Variants in LMAN2L observed in about 807,000 individuals in gnomAD.
LMAN2L encodes the protein lectin, mannose binding 2 like, also known as VIP36-like protein.
Under a neutral mutation model 44.3 loss-of-function variants are expected in LMAN2L, and 30 were observed. The ratio of observed to expected loss-of-function variants is 0.68; its 90% CI spans 0.51 to 0.92. LMAN2L has a LOEUF of 0.92. Among genes scored for constraint, LMAN2L ranks in the 40% least tolerant of loss-of-function variants. LMAN2L has a pLI of 0.00. For synonymous variants in LMAN2L, 183 were observed against 171.1 expected (o/e 1.07, Z -0.54); for missense variants, 429 against 446.1 (o/e 0.96, Z 0.35).
chr2:96,737,213 T>C (rs1346715795), intron 2 of LMAN2L: 3 of 448,008 alleles, frequency 6.7e-6, no homozygotes, highest in South Asian at 4.8e-5. Flanking sequence ...AGGAAGACAA[T>C]GCAGCTAGAA....
At chr2:96,710,054 C>T (rs1474370115) in intron 6 of LMAN2L, among the ~76,000 whole-genome samples, 1 of 152,198 alleles carries the variant, frequency 6.6e-6, no homozygotes, top group African/African-American at 2.4e-5. Context: ...CCTGCCGAGA[C>T]TAAATTTTTC....
intron 4 of LMAN2L, among the ~76,000 whole-genome samples, chr2:96,720,916 G>A (rs2078139220): frequency 6.6e-6 from 1 of 152,044 alleles, no homozygotes; most frequent in South Asian, 2.1e-4. Context: ...TCCAACCTGG[G>A]CGACAGGGTG....
In LMAN2L at chr2:96,706,555, G is replaced by GAC. The variant is rs2077785775; in HGVS notation, c.*700_*701insGT. 6.6e-6 allele frequency: 1 copy of GAC among 152,252 alleles called. No individual in the cohort carries two copies. Among genetic ancestry groups the GAC allele is most frequent in the Non-Finnish European group, 1.5e-5 (1 of 68,082 alleles). 9.4% of individuals were successfully genotyped at this position (152,252 alleles called of 1,614,324 possible). ...ACTTGATTGGGAAGGCCATGGACAT[G>GAC]CCAATAGACCCAAGACCCATGCTAG... is the stretch of plus-strand genomic sequence containing the variant. On this transcript the variant is annotated 3_prime_UTR_variant, in exon 8 of 8. Coordinates refer to ENST00000264963, the MANE Select transcript of LMAN2L (RefSeq NM_030805.4).
intron 4 of LMAN2L, among the ~76,000 whole-genome samples, chr2:96,712,446 C>T (rs71427091): frequency 4.6e-5 from 7 of 152,216 alleles, no homozygotes; most frequent in African/African-American, 1.7e-4. Flanking sequence ...CTTCATATGT[C>T]TAAACTTCAG....
chr2:96,707,061 C>A lies in LMAN2L; in HGVS notation c.*195G>T. 1 of 501,596 alleles carries A rather than the reference C, an allele frequency of 2.0e-6. No homozygotes were observed. The highest frequency in any genetic ancestry group is 3.4e-6 in the Non-Finnish European group (1 of 291,044). The allele number at this position is 501,596 out of a possible 1,614,324, so 31.1% of individuals were successfully genotyped here. A position where few individuals can be genotyped will look rare whatever the true frequency, so the allele number is the denominator to read the frequency against. On this transcript the variant is annotated 3_prime_UTR_variant, in exon 8 of 8. Transcript: ENST00000264963. Reference sequence around the variant, plus strand: ...GCATTGCCCTGGGGTGGGTGGCTTCCCAGACCAGAGTTAGATGTCCCCATG... The same window carrying A: ...GCATTGCCCTGGGGTGGGTGGCTTCACAGACCAGAGTTAGATGTCCCCATG...
chr2:96,710,332 C>T (rs1573996134), intron 6 of LMAN2L, among the ~76,000 whole-genome samples: 1 of 152,172 alleles, frequency 6.6e-6, no homozygotes. Context: ...TTAAAAAAAT[C>T]AGATGCCAGA....
intron 1 of LMAN2L, among the ~76,000 whole-genome samples, chr2:96,738,964 A>T (rs1257434597): frequency 2.0e-5 from 3 of 152,092 alleles, no homozygotes; most frequent in Admixed American, 6.6e-5. Context: ...GATGGTCTCA[A>T]TCTCCTGACC....
intron 3 of LMAN2L, 98 bp from the exon 4 acceptor site, chr2:96,733,699 G>T: frequency 2.1e-6 from 2 of 945,360 alleles, no homozygotes; most frequent in African/African-American, 1.6e-5. Flanking sequence ...AAATTCAAAT[G>T]ACTCCCAAGC....
chr2:96,735,284 AG>A lies in LMAN2L; in HGVS notation c.307-759del, dbSNP rs2078490314. On this transcript the variant is annotated intron_variant, in intron 2 of 7. Coordinates refer to ENST00000264963, the MANE Select transcript of LMAN2L (RefSeq NM_030805.4). Reference sequence around the variant, plus strand: ...AAGTCTACTGTGAAGAAAGAAGTGAAGGAAGAACAGACAGACCAGCTGGGTT... The same window carrying A: ...AAGTCTACTGTGAAGAAAGAAGTGAAGAAGAACAGACAGACCAGCTGGGTT... Among the ~76,000 whole-genome samples the A allele has an allele frequency of 2.6e-5, 4 of 152,246 alleles. No homozygotes were observed. The South Asian group carries it at 8.3e-4, about 31-fold the overall frequency.
intron 4 of LMAN2L, among the ~76,000 whole-genome samples, chr2:96,719,183 C>T (rs539767103): frequency 6.6e-6 from 1 of 152,104 alleles, no homozygotes; most frequent in Non-Finnish European, 1.5e-5. Context: ...GAAGAGCCAT[C>T]AATTCTATAG....
At chr2:96,726,270 T>G (rs781208541) in intron 4 of LMAN2L, among the ~76,000 whole-genome samples, 21 of 151,964 alleles carry the variant, frequency 1.4e-4, no homozygotes, top group South Asian at 2.1e-4. Context: ...AGGTTTTTTT[T>G]TGTGGATTCC....
In LMAN2L at chr2:96,712,019, A is replaced by G. The variant is rs772848566; in HGVS notation, c.514T>C (p.Phe172Leu). The G allele has an allele frequency of 1.9e-6, 3 of 1,614,190 alleles. No homozygotes were observed. The highest frequency in any genetic ancestry group is 2.5e-6 in the Non-Finnish European group (3 of 1,180,026). Reference sequence around the variant, plus strand: ...TTCACCATGGCTGAGATGTAGGGGAATACCCGCTGGAAAGCAGAGAGGGGG... The same window carrying G: ...TTCACCATGGCTGAGATGTAGGGGAGTACCCGCTGGAAAGCAGAGAGGGGG... ...PNEEKQQERV[F>L]PYISAMVNNG... The change falls in exon 5 of 8, where the codon TTC (phenylalanine) becomes CTC (leucine). Residue 172 changes from phenylalanine to leucine, a missense_variant. Physicochemically the swap from Phe to Leu is conservative, Grantham distance 22. Transcript: ENST00000264963.
At position 96,734,507 on chromosome 2, in the gene LMAN2L, C is replaced by A. The variant is rs779923563; in HGVS notation, c.326G>T (p.Trp109Leu). ...GATTTTGAAGTGCACCTGCAACTCC[C>A]AGTCTCTCAGGAAACATGGCTAAAG... ...WNRVPCFLRDWELQVHFKIHG... is the reference protein window; with the variant it reads ...WNRVPCFLRDLELQVHFKIHG... Residue 109 changes from tryptophan (W) to leucine (L), a missense_variant, in exon 3 of 8, where the codon TGG becomes TTG. Physicochemically the swap from Trp to Leu is moderately conservative, Grantham distance 61. Transcript: ENST00000264963. 1 of 1,610,218 alleles carries A rather than the reference C, an allele frequency of 6.2e-7. No individual in the cohort carries two copies. Among genetic ancestry groups the A allele is most frequent in the Admixed American group, 1.7e-5 (1 of 60,020 alleles).
intron 4 of LMAN2L, among the ~76,000 whole-genome samples, chr2:96,726,557 C>T (rs1344934188): frequency 6.6e-6 from 1 of 151,936 alleles, no homozygotes; most frequent in Non-Finnish European, 1.5e-5. Context: ...CCGAGATGGG[C>T]AGATCACCTG....
Position 96,711,774 on chromosome 2 carries a change from GAATA to G in LMAN2L, c.670-8_670-5del. The G allele has an allele frequency of 6.2e-7, 1 of 1,613,234 alleles. No individual in the cohort carries two copies. Among genetic ancestry groups the G allele is most frequent in the African/African-American group, 1.3e-5 (1 of 75,042 alleles). Reference sequence around the variant, plus strand: ...TGCCATCAATATCCATCATTATCTAGAATAAAAAGAGAGATAAATCAGGGTCAGG... The same window carrying G: ...TGCCATCAATATCCATCATTATCTAGAAAAGAGAGATAAATCAGGGTCAGG... On this transcript the variant is annotated splice_polypyrimidine_tract_variant and splice_region_variant and intron_variant, in intron 5 of 7. Transcript: ENST00000264963.
intron 2 of LMAN2L, chr2:96,737,083 T>C: frequency 2.3e-6 from 1 of 442,636 alleles, no homozygotes; most frequent in Non-Finnish European, 4.5e-6. Flanking sequence ...AAAAGTAAAC[T>C]GGTCGTAAAA....
intron 4 of LMAN2L, 34 bp from the exon 5 acceptor site, chr2:96,712,059 G>C: frequency 2.5e-6 from 4 of 1,609,584 alleles, no homozygotes; most frequent in Non-Finnish European, 3.4e-6. Flanking sequence ...AGACACTAAG[G>C]AAGAGCACAT....
In LMAN2L at chr2:96,737,934, G is replaced by T. The variant is rs766689835; in HGVS notation, c.306+15C>A. On this transcript the variant is annotated intron_variant, in intron 2 of 7. Transcript: ENST00000264963. Reference sequence around the variant, plus strand: ...CTTTCTGGGTCACCAACACAGGAGGGAGAAAGATTCTTACCACCCGGTTCC... The same window carrying T: ...CTTTCTGGGTCACCAACACAGGAGGTAGAAAGATTCTTACCACCCGGTTCC... 18 of 1,559,782 alleles carry T rather than the reference G, an allele frequency of 1.2e-5. No individual in the cohort carries two copies. The highest frequency in any genetic ancestry group is 1.6e-5 in the Non-Finnish European group (18 of 1,130,626).
chr2:96,728,118 G>C (rs1574020482), intron 4 of LMAN2L, among the ~76,000 whole-genome samples: 1 of 152,306 alleles, frequency 6.6e-6, no homozygotes, highest in East Asian at 1.9e-4. Context: ...TACCCTCTTA[G>C]ATAGTTGTAG....
Sources: gnomAD v4.1 joint callset for allele counts (sites outside exome capture counted in the v4.1 genomes callset) on GRCh38, gnomAD v4.1.1 for gene constraint, MANE v1.5 for transcripts, NCBI Gene and HGNC (gene_info 2026-07-23, HGNC 2026-07-21) for gene names.